The following NFIB variants were observed in gnomAD, a reference collection of about 807,000 sequenced individuals.
NFIB encodes the protein nuclear factor I B.
A neutral mutation model predicts 61.5 loss-of-function variants in NFIB; 11 were observed. The observed-to-expected ratio is 0.18, with a 90% CI of 0.11 to 0.30. NFIB has a LOEUF of 0.30. NFIB is among the 10% of genes least tolerant of loss of function. The pLI is 1.00. For synonymous variants in NFIB, 260 were observed against 216.5 expected, an observed-to-expected ratio of 1.20 and a Z score of -1.76; for missense variants, 471 against 608.9, an observed-to-expected ratio of 0.77 and a Z score of 2.38.
At chr9:14,107,033 A>G (rs939129775) in intron 10 of NFIB, among the ~76,000 whole-genome samples, 24 of 151,988 alleles carry the variant, frequency 1.6e-4, no homozygotes, top group Non-Finnish European at 2.5e-4. Context: ...GGTATGTTTT[A>G]TGTTTTCTTG....
intron 2 of NFIB, among the ~76,000 whole-genome samples, chr9:14,236,636 T>C (rs915008634): frequency 2.6e-5 from 4 of 152,222 alleles, no homozygotes; most frequent in Admixed American, 1.3e-4. Context: ...ATTGCTACAA[T>C]TAAATTCCAG....
At chr9:14,100,950 T>C (rs908380261) in intron 10 of NFIB, among the ~76,000 whole-genome samples, 15 of 152,312 alleles carry the variant, frequency 9.8e-5, no homozygotes, top group South Asian at 2.1e-4. Flanking sequence ...TGTTAACTGA[T>C]AGAGCATGAA....
intron 2 of NFIB, among the ~76,000 whole-genome samples, chr9:14,181,073 T>C (rs1247304260): frequency 6.6e-6 from 1 of 152,212 alleles, no homozygotes; most frequent in Non-Finnish European, 1.5e-5. Flanking sequence ...TCCTTCCAGG[T>C]AAGTGATTAA....
In NFIB at chr9:14,083,111, A is replaced by AAC; in HGVS notation, c.*5197_*5198insGT. ...CTTTTATTATTAAAAAAAAAAAAAA[A>AAC]CTACTTACAACCATTGAAGAAAAAA... On this transcript the variant is annotated 3_prime_UTR_variant, in exon 11 of 11. Coordinates refer to ENST00000380953, the MANE Select transcript of NFIB (RefSeq NM_001190737.2). 1 of 197,266 alleles carries AAC rather than the reference A, an allele frequency of 5.1e-6. No individual in the cohort carries two copies. Among genetic ancestry groups the AAC allele is most frequent in the East Asian group, 7.5e-5 (1 of 13,416 alleles). 12.2% of individuals were successfully genotyped at this position (197,266 alleles called of 1,614,324 possible). A position where few individuals can be genotyped will look rare whatever the true frequency, so the allele number is the denominator to read the frequency against.
At chr9:14,238,146 G>A (rs549595709) in intron 2 of NFIB, among the ~76,000 whole-genome samples, 100 of 152,078 alleles carry the variant, frequency 6.6e-4, no homozygotes, top group African/African-American at 2.2e-3. Flanking sequence ...AGGTAAGGGA[G>A]CAAGCCCTAC....
intron 6 of NFIB, among the ~76,000 whole-genome samples, chr9:14,129,387 C>CAAAAAAAAAAAAAAAACAAAAAAA (rs534691060): frequency 1.8e-5 from 1 of 55,652 alleles, no homozygotes; most frequent in Admixed American, 2.0e-4. Context: ...AATCCCCGCT[C>CAAAAAAAAAAAAAAAACAAAAAAA]AAAAAAAAAA....
At chr9:14,475,780 A>T in the NFIB span, among the ~76,000 whole-genome samples, 1 of 152,226 alleles carries the variant, frequency 6.6e-6, no homozygotes, top group East Asian at 1.9e-4. Flanking sequence ...TTTTGGCAAA[A>T]TGATACAATT....
intron 1 of NFIB, among the ~76,000 whole-genome samples, chr9:14,344,940 G>C (rs1455941298): frequency 6.6e-6 from 1 of 152,130 alleles, no homozygotes; most frequent in Non-Finnish European, 1.5e-5. Flanking sequence ...AGGAAGAGGG[G>C]TGGTTGGGGC....
the NFIB span, among the ~76,000 whole-genome samples, chr9:14,525,418 T>C: frequency 6.6e-6 from 1 of 152,296 alleles, no homozygotes; most frequent in East Asian, 1.9e-4. Context: ...TTTCAGCAAG[T>C]TGCTTAACCT....
chr9:14,326,306 A>G (rs2060751149), intron 1 of NFIB, among the ~76,000 whole-genome samples: 1 of 152,250 alleles, frequency 6.6e-6, no homozygotes, highest in African/African-American at 2.4e-5. Flanking sequence ...GTCGCCCATC[A>G]TAAAGAATTA....
intron 2 of NFIB, among the ~76,000 whole-genome samples, chr9:14,182,718 G>C (rs370323479): frequency 0.087 from 9,581 of 110,270 alleles, 666 homozygotes; most frequent in African/African-American, 0.2. Flanking sequence ...CTGTGTGTGT[G>C]TGTGTGTGTG....
chr9:14,418,729 A>T, the NFIB span, among the ~76,000 whole-genome samples: 5 of 152,194 alleles, frequency 3.3e-5, no homozygotes, highest in African/African-American at 1.2e-4. Flanking sequence ...CATTTCAATA[A>T]AATTCCCATA....
At chr9:14,155,032 T>C (rs753657133) in intron 4 of NFIB, among the ~76,000 whole-genome samples, 3 of 152,188 alleles carry the variant, frequency 2.0e-5, no homozygotes, top group South Asian at 4.1e-4. Context: ...CGAAGTGTGA[T>C]GCATTCTATC....
chr9:14,414,054 A>T, the NFIB span, among the ~76,000 whole-genome samples: 4 of 152,170 alleles, frequency 2.6e-5, no homozygotes, highest in African/African-American at 9.7e-5. Flanking sequence ...TATTAGTGAA[A>T]ATAGCTGATT....
chr9:14,310,003 A>T (rs2060208286), intron 1 of NFIB, among the ~76,000 whole-genome samples: 1 of 152,208 alleles, frequency 6.6e-6, no homozygotes, highest in Admixed American at 6.5e-5. Flanking sequence ...CTTACACCTT[A>T]AGTACTATGT....
At chr9:14,204,583 G>C in intron 2 of NFIB, 1 of 1,222,332 alleles carries the variant, frequency 8.2e-7, no homozygotes, top group Non-Finnish European at 1.2e-6. Flanking sequence ...AGAAGAAGCA[G>C]AGGCTGTTGG....
At chr9:14,458,031 T>C in the NFIB span, among the ~76,000 whole-genome samples, 1 of 152,154 alleles carries the variant, frequency 6.6e-6, no homozygotes, top group African/African-American at 2.4e-5. Context: ...GCCAGCATCA[T>C]CCTGATACCA....
At chr9:14,372,955 T>G (rs1294063436) in intron 1 of NFIB, among the ~76,000 whole-genome samples, 1 of 148,560 alleles carries the variant, frequency 6.7e-6, no homozygotes, top group African/African-American at 2.5e-5. Flanking sequence ...AGCTTAGATA[T>G]GAGCAAGCAT....
Position 14,134,657 on chromosome 9 carries a change from C to T in NFIB, c.926-8891G>A, listed in dbSNP as rs181061338. Among the ~76,000 whole-genome samples, 3 of 151,890 alleles carry T rather than the reference C, an allele frequency of 2.0e-5. No homozygotes were observed. In the East Asian group the frequency reaches 5.8e-4, roughly 29 times the overall value. On this transcript the variant is annotated intron_variant, in intron 6 of 10. Coordinates refer to ENST00000380953, the MANE Select transcript of NFIB (RefSeq NM_001190737.2). Reference sequence around the variant, plus strand: ...CTGTAATCCCAGCACTTTGGGAGGCCGAGGCGGGTGGATCAAGTCACCTGA... The same window carrying T: ...CTGTAATCCCAGCACTTTGGGAGGCTGAGGCGGGTGGATCAAGTCACCTGA...
Sources: gnomAD v4.1 joint callset for allele counts (sites outside exome capture counted in the v4.1 genomes callset) on GRCh38, gnomAD v4.1.1 for gene constraint, MANE v1.5 for transcripts, NCBI Gene and HGNC (gene_info 2026-07-23, HGNC 2026-07-21) for gene names.